Variants in MCIDAS observed in about 807,000 individuals in gnomAD.
MCIDAS encodes the protein multicilin.
A neutral mutation model predicts 35.4 loss-of-function variants in MCIDAS; 23 were observed. The ratio of observed to expected loss-of-function variants is 0.65; its 90% confidence interval spans 0.47 to 0.92. MCIDAS has a LOEUF of 0.92. Among genes scored for constraint, MCIDAS ranks in the 40% least tolerant of loss-of-function variants. The pLI, the probability that MCIDAS is intolerant of heterozygous loss-of-function variation, is 0.00. For missense variants in MCIDAS, 480 were observed against 531.8 expected (o/e 0.90, Z 0.96); for synonymous variants, 228 against 235.2 (o/e 0.97, Z 0.28).
At chr5:55,221,173 C>A in intron 5 of MCIDAS, 47 bp from the exon 6 acceptor site, 3 of 1,381,328 alleles carry the variant, frequency 2.2e-6, no homozygotes, top group South Asian at 2.5e-5. Flanking sequence ...TGTGCTGGGT[C>A]TCGTCTGCAT....
In MCIDAS at chr5:55,223,071, A is replaced by C. The variant is rs193060025; in HGVS notation, c.310-48T>G. On this transcript the variant is annotated intron_variant, in intron 3 of 6. Transcript: ENST00000513312. This position sits in a 1 kb window ranked among gnomAD's most constrained non-coding sequence, Gnocchi z 4.4. ...ACTGGTTAACGAGTCTGGCGTTAGA[A>C]AGCCTTCAATAAATATTGGCGTCCC... 2.7e-3 allele frequency: 3,912 copies of C among 1,458,148 alleles called. 8 individuals are homozygous for C. The highest frequency in any genetic ancestry group is 9.7e-3 in the South Asian group (795 of 82,212). 90.3% of individuals were successfully genotyped at this position (1,458,148 alleles called of 1,614,324 possible).
In MCIDAS at chr5:55,220,352, GACC is replaced by G. The variant is rs764116550; in HGVS notation, c.*11_*13del. 1.1e-4 allele frequency: 173 copies of G among 1,524,168 alleles called. No individual in the cohort carries two copies. The highest frequency in any genetic ancestry group is 1.4e-4 in the Non-Finnish European group (163 of 1,138,332). 94.4% of individuals were successfully genotyped at this position (1,524,168 alleles called of 1,614,324 possible). On this transcript the variant is annotated 3_prime_UTR_variant, in exon 7 of 7. Coordinates refer to ENST00000513312, the MANE Select transcript of MCIDAS (RefSeq NM_001190787.3). ...GGAAACACAGGGCAGTGTTTTGGGG[GACC>G]ACATCACAGCTCAACTGGGGACCCA...
intron 6 of MCIDAS, 38 bp downstream of exon 6, chr5:55,220,978 G>C: frequency 6.6e-7 from 1 of 1,512,284 alleles, no homozygotes; most frequent in Non-Finnish European, 8.9e-7. Flanking sequence ...GTTCAGTTCC[G>C]ACGTGCTGCA....
rs1745318223 is a variant in MCIDAS, at chr5:55,219,899, A to T, written c.*467T>A. 1 of 152,576 alleles carries T rather than the reference A, an allele frequency of 6.6e-6. No individual in the cohort carries two copies. Among genetic ancestry groups the T allele is most frequent in the African/African-American group, 2.4e-5 (1 of 41,480 alleles). The allele number at this position is 152,576 out of a possible 1,614,324, so 9.5% of individuals were successfully genotyped here. The stretch of plus-strand genomic sequence containing the variant: ...TAGGACGAGGGAAGTTGAGTGATGT[A>T]TAAAAACATTCACCCAGAAACCAGG... On this transcript the variant is annotated 3_prime_UTR_variant, in exon 7 of 7. Coordinates refer to ENST00000513312, the MANE Select transcript of MCIDAS (RefSeq NM_001190787.3).
chr5:55,223,433 C>A lies in MCIDAS; in HGVS notation c.310-410G>T, dbSNP rs1002251575. Among the ~76,000 whole-genome samples the A allele has an allele frequency of 6.6e-6, 1 of 152,240 alleles. No individual in the cohort carries two copies. Among genetic ancestry groups the A allele is most frequent in the African/African-American group, 2.4e-5 (1 of 41,466 alleles). ...TGCGTGGCGGGAATGGGTCCTTCCA[C>A]CGGCGGTGCGGCGGCCCTGCGCCGG... On this transcript the variant is annotated intron_variant, in intron 3 of 6. Transcript: ENST00000513312. This position sits in a 1 kb window ranked among gnomAD's most constrained non-coding sequence, Gnocchi z 4.4.
At position 55,220,545 on chromosome 5, in the gene MCIDAS, G is replaced by A; in HGVS notation, c.979C>T (p.Arg327Cys). Reference sequence around the variant, plus strand: ...AACGCGCTCCGGCTGCAGTCTGTGCGCAGCCCCCGGAAGGCGCCATGCAGG... The same window carrying A: ...AACGCGCTCCGGCTGCAGTCTGTGCACAGCCCCCGGAAGGCGCCATGCAGG... ...GNLHGAFRGL[R>C]TDCSRSALNL... The change falls in exon 7 of 7, where the codon CGC becomes TGC. Residue 327 changes from arginine (R) to cysteine (C), a missense_variant. Transcript: ENST00000513312. 6.5e-7 allele frequency: 1 copy of A among 1,536,040 alleles called. No individual in the cohort carries two copies.
Position 55,220,300 on chromosome 5 carries a change from T to A in MCIDAS, c.*66A>T. 6.9e-7 allele frequency: 1 copy of A among 1,443,082 alleles called. No individual in the cohort carries two copies. The highest frequency in any genetic ancestry group is 9.2e-7 in the Non-Finnish European group (1 of 1,091,520). 89.4% of individuals were successfully genotyped at this position (1,443,082 alleles called of 1,614,324 possible). On this transcript the variant is annotated 3_prime_UTR_variant, in exon 7 of 7. Transcript: ENST00000513312. ...GGTGGCATTCAACCTGAAGGCAAAG[T>A]TCTGGGAAGCCCCCAGGCACTTCAG...
In MCIDAS at chr5:55,222,935, A is replaced by G; in HGVS notation, c.382+16T>C. On this transcript the variant is annotated intron_variant, in intron 4 of 6. Transcript: ENST00000513312. ...ACACCCCCGCTGTTATTTAACTGCCAGGAGACTGCACTTGCCTGAAATGAG... is the reference window on the plus strand; with the variant it reads ...ACACCCCCGCTGTTATTTAACTGCCGGGAGACTGCACTTGCCTGAAATGAG... The G allele has an allele frequency of 6.5e-7, 1 of 1,535,004 alleles. No individual in the cohort carries two copies. The highest frequency in any genetic ancestry group is 8.7e-7 in the Non-Finnish European group (1 of 1,145,926).
intron 5 of MCIDAS, among the ~76,000 whole-genome samples, chr5:55,221,470 G>A (rs1271976776): frequency 6.6e-6 from 1 of 151,918 alleles, no homozygotes; most frequent in East Asian, 1.9e-4. Context: ...GCATTAAGTG[G>A]GAAGAAAAAG....
Position 55,223,079 on chromosome 5 carries a change from A to G in MCIDAS, c.310-56T>C, listed in dbSNP as rs1745390959. 1.0e-5 allele frequency: 14 copies of G among 1,404,308 alleles called. No individual in the cohort carries two copies. The highest frequency in any genetic ancestry group is 1.4e-5 in the Non-Finnish European group (14 of 1,027,476). 87.0% of individuals were successfully genotyped at this position (1,404,308 alleles called of 1,614,324 possible). ...ACGAGTCTGGCGTTAGAAAGCCTTC[A>G]ATAAATATTGGCGTCCCTGTTAAAA... is the stretch of plus-strand genomic sequence containing the variant. On this transcript the variant is annotated intron_variant, in intron 3 of 6. Coordinates refer to ENST00000513312, the MANE Select transcript of MCIDAS (RefSeq NM_001190787.3). This position sits in a 1 kb window ranked among gnomAD's most constrained non-coding sequence, Gnocchi z 4.4.
intron 5 of MCIDAS, 120 bp downstream of exon 5, chr5:55,222,056 A>G: frequency 1.1e-6 from 1 of 897,756 alleles, no homozygotes; most frequent in East Asian, 2.8e-5. Flanking sequence ...TACGTGAACC[A>G]CCAGTCAGTC....
chr5:55,227,190 G>A lies in MCIDAS; in HGVS notation c.-52C>T. ...TGCTCGGAGGCGGCGGCCCGGGCTG[G>A]GGCAGCGATCCACACCCTGCACTCC... On this transcript the variant is annotated 5_prime_UTR_variant, in exon 1 of 7. Transcript: ENST00000513312. The A allele has an allele frequency of 7.2e-7, 1 of 1,397,406 alleles. No individual in the cohort carries two copies. The highest frequency in any genetic ancestry group is 9.2e-7 in the Non-Finnish European group (1 of 1,084,516). The allele number at this position is 1,397,406 out of a possible 1,614,324, so 86.6% of individuals were successfully genotyped here.
intron 4 of MCIDAS, 60 bp from the exon 5 acceptor site, chr5:55,222,459 G>T (rs1745379244): frequency 7.6e-7 from 1 of 1,322,798 alleles, no homozygotes; most frequent in Non-Finnish European, 1.0e-6. Context: ...AGTTACAGGA[G>T]CAAAATGCCA....
Position 55,226,596 on chromosome 5 carries a change from C to T in MCIDAS, c.289G>A (p.Gly97Ser). Residue 97 changes from glycine (G) to serine (S), a missense_variant, in exon 3 of 7, where the codon GGT becomes AGT. Coordinates refer to ENST00000513312, the MANE Select transcript of MCIDAS (RefSeq NM_001190787.3). ...GGTACCTGCGAGGCGGCCAGGTCAC[C>T]ACCAGGCGGCGCGTCGGACCCGAGT... ...SLLGSDAPPG[G>S]DLAASQNHSH... The T allele has an allele frequency of 6.5e-7, 1 of 1,532,312 alleles. No homozygotes were observed. 94.9% of individuals were successfully genotyped at this position (1,532,312 alleles called of 1,614,324 possible).
intron 3 of MCIDAS, 148 bp downstream of exon 3, chr5:55,226,428 G>T: frequency 1.4e-6 from 1 of 706,666 alleles, no homozygotes; most frequent in Non-Finnish European, 2.3e-6. Flanking sequence ...GATCTGGGAG[G>T]CTCAGGTGCC....
Position 55,223,117 on chromosome 5 carries a change from C to T in MCIDAS, c.310-94G>A, listed in dbSNP as rs1026572592. 3 of 1,011,596 alleles carry T rather than the reference C, an allele frequency of 3.0e-6. No homozygotes were observed. The highest frequency in any genetic ancestry group is 4.5e-6 in the Non-Finnish European group (3 of 673,574). The allele number at this position is 1,011,596 out of a possible 1,614,324, so 62.7% of individuals were successfully genotyped here. A position where few individuals can be genotyped will look rare whatever the true frequency, so the allele number is the denominator to read the frequency against. ...GTCCCTGTTAAAAATCTGGCAGGCACTATGCAATATATGCACGTAACACAA... is the reference window on the plus strand; with the variant it reads ...GTCCCTGTTAAAAATCTGGCAGGCATTATGCAATATATGCACGTAACACAA... On this transcript the variant is annotated intron_variant, in intron 3 of 6. Coordinates refer to ENST00000513312, the MANE Select transcript of MCIDAS (RefSeq NM_001190787.3). This position sits in a 1 kb window ranked among gnomAD's most constrained non-coding sequence, Gnocchi z 4.4.
intron 4 of MCIDAS, 75 bp from the exon 5 acceptor site, chr5:55,222,474 G>T: frequency 1.7e-6 from 2 of 1,161,142 alleles, no homozygotes; most frequent in South Asian, 3.2e-5. Flanking sequence ...ATGCCACTCT[G>T]GGTGTAGGGT....
intron 3 of MCIDAS, among the ~76,000 whole-genome samples, chr5:55,226,306 G>T (rs181812733): frequency 6.6e-5 from 10 of 152,288 alleles, no homozygotes; most frequent in African/African-American, 2.4e-4. Context: ...AGTAGATAGG[G>T]TGGGAAATAG....
chr5:55,221,101 T>A lies in MCIDAS; in HGVS notation c.632A>T (p.Gln211Leu). ...CTCCTTGAGCGAGGCGATCTCCTCC[T>A]GTTTCTGGGTCAATGTCACGTGCAG... is the stretch of plus-strand genomic sequence containing the variant. ...NQLHVTLTQKQEEIASLKERN... is the reference protein window; with the variant it reads ...NQLHVTLTQKLEEIASLKERN... Residue 211 changes from glutamine (Q) to leucine (L), a missense_variant, in exon 6 of 7, where the codon CAG (glutamine) becomes CTG (leucine). Coordinates refer to ENST00000513312, the MANE Select transcript of MCIDAS (RefSeq NM_001190787.3). 6.5e-7 allele frequency: 1 copy of A among 1,536,090 alleles called. No individual in the cohort carries two copies. The highest frequency in any genetic ancestry group is 8.7e-7 in the Non-Finnish European group (1 of 1,146,884).
Sources: gnomAD v4.1 joint callset for allele counts (sites outside exome capture counted in the v4.1 genomes callset) on GRCh38, gnomAD v4.1.1 for gene constraint, Gnocchi (gnomAD v3.1) non-coding constraint, MANE v1.5 for transcripts, NCBI Gene and HGNC (gene_info 2026-07-23, HGNC 2026-07-21) for gene names.